BMP3: variants seen among roughly 807,000 people sequenced by gnomAD.
BMP3 encodes the protein bone morphogenetic protein 3, also known as bone morphogenetic protein 3 (osteogenic).
BMP3 carries 23 observed loss-of-function variants against 38.1 expected under a neutral mutation model. That is an observed-to-expected ratio of 0.60 (90% CI 0.43 to 0.86). The LOEUF is 0.86. Ranked by LOEUF, BMP3 falls within the 40% of genes least tolerant of loss-of-function variation. The probability of loss-of-function intolerance (pLI) is 0.00; values close to 1 mark genes in which losing one functional copy is unlikely to be tolerated. For missense variants in BMP3, 628 were observed against 579.6 expected (o/e 1.08, Z -0.86); for synonymous variants, 258 against 225.7 (o/e 1.14, Z -1.28).
chr4:81,051,875 G>A (rs1318338522), intron 2 of BMP3, among the ~76,000 whole-genome samples: 16 of 152,120 alleles, frequency 1.1e-4, no homozygotes, highest in Admixed American at 1.0e-3. Context: ...CCATCATTAA[G>A]TCTAATTATT....
At chr4:81,035,993 T>G (rs1388106109) in intron 1 of BMP3, among the ~76,000 whole-genome samples, 1 of 152,048 alleles carries the variant, frequency 6.6e-6, no homozygotes, top group African/African-American at 2.4e-5. Flanking sequence ...TTAACTTATA[T>G]TATTACATTT....
chr4:81,055,173 A>G lies in BMP3; in HGVS notation c.*1637A>G, dbSNP rs1740516293. ...CCTTGAAGGAATGATAGTGATAGAT[A>G]TAAAAACACTGTAAGTCCCTCTTTT... On this transcript the variant is annotated 3_prime_UTR_variant, in exon 3 of 3. Coordinates refer to ENST00000282701, the MANE Select transcript of BMP3 (RefSeq NM_001201.5). 1 of 152,246 alleles carries G rather than the reference A, an allele frequency of 6.6e-6. No individual in the cohort carries two copies. The allele number at this position is 152,246 out of a possible 1,614,324, so 9.4% of individuals were successfully genotyped here.
chr4:81,050,436 A>G (rs1044144182), intron 2 of BMP3, among the ~76,000 whole-genome samples: 11 of 152,164 alleles, frequency 7.2e-5, no homozygotes, highest in African/African-American at 2.7e-4. Context: ...TCATCACCTT[A>G]GAAGAGATGG....
intron 2 of BMP3, among the ~76,000 whole-genome samples, chr4:81,052,944 C>T (rs571119035): frequency 5.9e-5 from 9 of 152,010 alleles, no homozygotes; most frequent in African/African-American, 1.7e-4. Context: ...TTGAAAACAC[C>T]GTAGAGTGTA....
intron 1 of BMP3, among the ~76,000 whole-genome samples, chr4:81,043,359 A>AT (rs1453373583): frequency 6.6e-6 from 1 of 152,120 alleles, no homozygotes; most frequent in Non-Finnish European, 1.5e-5. Flanking sequence ...TCATTTCTGG[A>AT]TTTGAAGAAT....
At chr4:81,035,457 G>T (rs1320741678) in intron 1 of BMP3, among the ~76,000 whole-genome samples, 2 of 151,976 alleles carry the variant, frequency 1.3e-5, no homozygotes, top group African/African-American at 4.8e-5. Flanking sequence ...CTAAGTAGTG[G>T]AAGCTCGTAA....
At chr4:81,040,414 T>C (rs1168531353) in intron 1 of BMP3, among the ~76,000 whole-genome samples, 1 of 152,166 alleles carries the variant, frequency 6.6e-6, no homozygotes, top group African/African-American at 2.4e-5. Flanking sequence ...GTTGCCCCAG[T>C]CCCACAGATG....
At chr4:81,047,556 A>AG (rs993949922) in intron 2 of BMP3, among the ~76,000 whole-genome samples, 5 of 151,778 alleles carry the variant, frequency 3.3e-5, no homozygotes, top group Non-Finnish European at 1.5e-5. Flanking sequence ...TACCAAAAAA[A>AG]AAAAAAGTTG....
intron 1 of BMP3, among the ~76,000 whole-genome samples, chr4:81,035,939 A>G (rs1739911510): frequency 6.6e-6 from 1 of 151,966 alleles, no homozygotes; most frequent in African/African-American, 2.4e-5. Flanking sequence ...TCAACGGAAC[A>G]CTGTCTCATT....
chr4:81,045,565 A>G (rs1358771594), intron 1 of BMP3, among the ~76,000 whole-genome samples, 173 bp from the exon 2 acceptor site: 2 of 152,158 alleles, frequency 1.3e-5, no homozygotes, highest in African/African-American at 4.8e-5. Flanking sequence ...CTTCATATCT[A>G]AGAAGTCATT....
At chr4:81,049,026 C>T (rs1313685967) in intron 2 of BMP3, among the ~76,000 whole-genome samples, 1 of 152,180 alleles carries the variant, frequency 6.6e-6, no homozygotes, top group Non-Finnish European at 1.5e-5. Context: ...TTCAGACTCT[C>T]TACAAGTTAT....
At chr4:81,042,071 C>G (rs1158005782) in intron 1 of BMP3, among the ~76,000 whole-genome samples, 1 of 152,080 alleles carries the variant, frequency 6.6e-6, no homozygotes, top group Non-Finnish European at 1.5e-5. Context: ...TTAGTAGCCA[C>G]ATTTCAAAGT....
chr4:81,032,218 A>AAAC (rs386400621), intron 1 of BMP3, among the ~76,000 whole-genome samples: 2 of 143,628 alleles, frequency 1.4e-5, no homozygotes, highest in African/African-American at 5.3e-5. Flanking sequence ...AAAAAAAAAA[A>AAAC]AACAGGTGCT....
chr4:81,031,161 G>C lies in BMP3; in HGVS notation c.-124G>C. 9.3e-7 allele frequency: 1 copy of C among 1,071,098 alleles called. No individual in the cohort carries two copies. Among genetic ancestry groups the C allele is most frequent in the Non-Finnish European group, 1.3e-6 (1 of 768,020 alleles). The allele number at this position is 1,071,098 out of a possible 1,614,324, so 66.3% of individuals were successfully genotyped here. On this transcript the variant is annotated 5_prime_UTR_variant, in exon 1 of 3. Transcript: ENST00000282701. Reference sequence around the variant, plus strand: ...TCTCGCTGCACCCGGCCGCGTCCCGGGCTCCGTGCGCCCTCGCCCCAGCTG... The same window carrying C: ...TCTCGCTGCACCCGGCCGCGTCCCGCGCTCCGTGCGCCCTCGCCCCAGCTG...
In BMP3 at chr4:81,045,833, G is replaced by A; in HGVS notation, c.412G>A (p.Glu138Lys). Residue 138 changes from glutamate (E) to lysine (K), a missense_variant, in exon 2 of 3, where the codon GAG (glutamate) becomes AAG (lysine). Coordinates refer to ENST00000282701, the MANE Select transcript of BMP3 (RefSeq NM_001201.5). ...TGCCACACTGTATTTCTGTATTGGA[G>A]AGCTAGGAAACATCAGCCTGAGTTG... ...LSATLYFCIG[E>K]LGNISLSCPV... The A allele has an allele frequency of 6.2e-7, 1 of 1,614,088 alleles. No individual in the cohort carries two copies. The highest frequency in any genetic ancestry group is 8.5e-7 in the Non-Finnish European group (1 of 1,180,010).
intron 2 of BMP3, among the ~76,000 whole-genome samples, chr4:81,047,585 G>T (rs1309008131): frequency 6.7e-6 from 1 of 150,018 alleles, no homozygotes; most frequent in African/African-American, 2.4e-5. Context: ...ACAGAATTCA[G>T]AGGAAGAATA....
At chr4:81,045,280 G>A (rs1394387516) in intron 1 of BMP3, among the ~76,000 whole-genome samples, 6 of 151,722 alleles carry the variant, frequency 4.0e-5, no homozygotes, top group African/African-American at 9.7e-5. Context: ...TCTATTCAAG[G>A]CATTTTCCCA....
intron 2 of BMP3, among the ~76,000 whole-genome samples, chr4:81,048,585 A>C (rs1429344013): frequency 1.3e-5 from 2 of 152,150 alleles, no homozygotes; most frequent in Admixed American, 1.3e-4. Context: ...TGTCCCTCTC[A>C]TTTATTGGTT....
rs896408458 is a variant in BMP3 at position 81,031,064 on chromosome 4, C to A, written c.-221C>A. 3.6e-6 allele frequency: 2 copies of A among 555,754 alleles called. No homozygotes were observed. The highest frequency in any genetic ancestry group is 6.2e-6 in the Non-Finnish European group (2 of 322,076). 34.4% of individuals were successfully genotyped at this position (555,754 alleles called of 1,614,324 possible). On this transcript the variant is annotated 5_prime_UTR_variant, in exon 1 of 3. Transcript: ENST00000282701. ...CGCAGCGCCCTGCGCGGGTGAGGTC[C>A]GCGCAGCTGCTGGGGAAGAGCCCAC...
Sources: allele counts gnomAD v4.1 joint callset (sites outside exome capture counted in the v4.1 genomes callset), GRCh38; gene constraint gnomAD v4.1.1; transcripts MANE v1.5; gene names NCBI Gene and HGNC (gene_info 2026-07-23, HGNC 2026-07-21).